FGF14: variants seen among roughly 807,000 people sequenced by gnomAD.
FGF14 encodes fibroblast growth factor 14.
A neutral mutation model predicts 25.5 loss-of-function variants in FGF14; 5 were observed. The ratio of observed to expected loss-of-function variants is 0.20; its 90% CI spans 0.10 to 0.41. The LOEUF is 0.41. Among genes scored for constraint, FGF14 ranks in the 10% least tolerant of loss-of-function variants. The probability of loss-of-function intolerance (pLI) is 1.00; values close to 1 mark genes in which losing one functional copy is unlikely to be tolerated. For synonymous variants in FGF14, 138 were observed against 118.3 expected (o/e 1.17, Z -1.08); for missense variants, 222 against 320.1 (o/e 0.69, Z 2.34).
intron 1 of FGF14, among the ~76,000 whole-genome samples, chr13:102,082,164 C>T (rs372036625): frequency 6.6e-6 from 1 of 151,152 alleles, no homozygotes; most frequent in East Asian, 1.9e-4. Flanking sequence ...GTCAACAGCA[C>T]TCTAAAGAGG....
chr13:102,072,935 C>A (rs547295505), intron 1 of FGF14, among the ~76,000 whole-genome samples: 1 of 152,266 alleles, frequency 6.6e-6, no homozygotes, highest in African/African-American at 2.4e-5. Context: ...TCATGCCCCA[C>A]CTAAAGGCAC....
chr13:102,220,596 C>T (rs1043155862), intron 1 of FGF14, among the ~76,000 whole-genome samples: 10 of 152,202 alleles, frequency 6.6e-5, no homozygotes, highest in African/African-American at 9.7e-5. Context: ...CTGTCTAATG[C>T]ACAAAAGTAA....
intron 1 of FGF14, chr13:102,292,634 T>C (rs908645642): frequency 2.6e-5 from 4 of 152,188 alleles, no homozygotes; most frequent in African/African-American, 7.2e-5. Context: ...AAACGTTATA[T>C]ATCAAACAAA....
chr13:101,757,842 T>C (rs1032494009), intron 3 of FGF14, among the ~76,000 whole-genome samples: 8 of 152,166 alleles, frequency 5.3e-5, no homozygotes, highest in African/African-American at 7.2e-5. Flanking sequence ...CCACTAAGCT[T>C]ATTAATGTCA....
chr13:101,913,917 C>G (rs952100951), intron 1 of FGF14, among the ~76,000 whole-genome samples: 1 of 152,032 alleles, frequency 6.6e-6, no homozygotes, highest in African/African-American at 2.4e-5. Context: ...GACTCTCTAC[C>G]CCATGTTTGT....
At chr13:102,157,400 A>G (rs1427382057) in intron 1 of FGF14, among the ~76,000 whole-genome samples, 1 of 152,232 alleles carries the variant, frequency 6.6e-6, no homozygotes, top group East Asian at 1.9e-4. Flanking sequence ...AAAAACAAGA[A>G]ATGGGGAGAG....
At chr13:101,812,033 A>G (rs2041538103) in intron 3 of FGF14, among the ~76,000 whole-genome samples, 3 of 152,336 alleles carry the variant, frequency 2.0e-5, no homozygotes, top group Admixed American at 2.0e-4. Context: ...AGAAACTGTC[A>G]TATCTGATTT....
intron 3 of FGF14, among the ~76,000 whole-genome samples, chr13:101,832,686 T>A (rs2042733461): frequency 6.6e-6 from 1 of 152,048 alleles, no homozygotes; most frequent in Non-Finnish European, 1.5e-5. Flanking sequence ...TACCCCGCTT[T>A]CATGTACCCT....
intron 1 of FGF14, among the ~76,000 whole-genome samples, chr13:102,084,520 T>A (rs1026252813): frequency 3.9e-5 from 6 of 152,190 alleles, no homozygotes; most frequent in Admixed American, 6.5e-5. Flanking sequence ...AAACCTTGTG[T>A]GAACTACTCA....
upstream of FGF14, among the ~76,000 whole-genome samples, chr13:101,919,935 T>G (rs1291952413): frequency 6.6e-6 from 1 of 152,142 alleles, no homozygotes; most frequent in Non-Finnish European, 1.5e-5. Flanking sequence ...GGCTGTGAAT[T>G]TCAGGAGCCT....
Position 102,343,625 on chromosome 13 carries a change from C to T in FGF14, c.208+57846G>A, listed in dbSNP as rs9585894. Among the ~76,000 whole-genome samples, 13 of 152,198 alleles carry T rather than the reference C, an allele frequency of 8.5e-5. No individual in the cohort carries two copies. The South Asian group carries it at 1.2e-3, about 15-fold the overall frequency. On this transcript the variant is annotated intron_variant, in intron 1 of 4. Coordinates refer to the FGF14 transcript ENST00000376131. ...GTGTGATATTACAGACAGTCATATG[C>T]GAGACTGTTGGCTTCCAAACTAAAT...
chr13:101,760,995 T>C (rs2139904663), intron 3 of FGF14, among the ~76,000 whole-genome samples: 1 of 152,346 alleles, frequency 6.6e-6, no homozygotes, highest in South Asian at 2.1e-4. Context: ...CTAAATACCC[T>C]ATTAAAAATT....
intron 1 of FGF14, among the ~76,000 whole-genome samples, chr13:102,054,720 A>C (rs978266351): frequency 6.6e-6 from 1 of 152,192 alleles, no homozygotes; most frequent in African/African-American, 2.4e-5. Context: ...AACTTAGGGT[A>C]TCCAAAACAC....
chr13:101,798,779 G>C (rs1317376362), intron 3 of FGF14, among the ~76,000 whole-genome samples: 1 of 152,078 alleles, frequency 6.6e-6, no homozygotes, highest in Admixed American at 6.6e-5. Flanking sequence ...CTGAAATGTA[G>C]GATTAAGGAA....
chr13:101,772,131 T>TATGTC (rs2038816369), intron 3 of FGF14, among the ~76,000 whole-genome samples: 2 of 152,024 alleles, frequency 1.3e-5, no homozygotes, highest in African/African-American at 4.8e-5. Flanking sequence ...ATAGTTATGT[T>TATGTC]ATGTCACATA....
intron 1 of FGF14, among the ~76,000 whole-genome samples, chr13:102,399,816 G>T (rs569595328): frequency 6.6e-6 from 1 of 152,078 alleles, no homozygotes; most frequent in South Asian, 2.1e-4. Flanking sequence ...TAGAACACAG[G>T]GAGGAGGACT....
At chr13:102,222,099 A>G (rs2050638793) in intron 1 of FGF14, among the ~76,000 whole-genome samples, 1 of 152,188 alleles carries the variant, frequency 6.6e-6, no homozygotes, top group Non-Finnish European at 1.5e-5. Flanking sequence ...TTCAGAGACT[A>G]TGAAGCTCAG....
intron 1 of FGF14, among the ~76,000 whole-genome samples, chr13:102,144,734 T>C (rs1438826766): frequency 6.6e-6 from 1 of 152,156 alleles, no homozygotes; most frequent in Non-Finnish European, 1.5e-5. Flanking sequence ...TGAATTGCAT[T>C]GATCCCAGAG....
At chr13:102,178,863 G>A (rs988299167) in intron 1 of FGF14, among the ~76,000 whole-genome samples, 7 of 151,978 alleles carry the variant, frequency 4.6e-5, no homozygotes, top group Non-Finnish European at 1.5e-5. Context: ...ACTTACCACT[G>A]TACTTTAAAC....
Sources: gnomAD v4.1 joint callset for allele counts (sites outside exome capture counted in the v4.1 genomes callset) on GRCh38, gnomAD v4.1.1 for gene constraint, MANE v1.5 for transcripts, NCBI Gene and HGNC (gene_info 2026-07-23, HGNC 2026-07-21) for gene names.